The following USP34 variants were observed in gnomAD, a reference collection of about 807,000 sequenced individuals.
USP34 encodes ubiquitin specific peptidase 34.
A neutral mutation model predicts 460.3 loss-of-function variants in USP34; 70 were observed. That is an observed-to-expected ratio of 0.15 (90% confidence interval 0.13 to 0.19). The LOEUF is 0.19. Among genes scored for constraint, USP34 ranks in the 10% least tolerant of loss-of-function variants. USP34 has a pLI of 1.00. For synonymous variants in USP34, 1,647 were observed against 1,405.3 expected, an observed-to-expected ratio of 1.17 and a Z score of -3.85; for missense variants, 3,985 against 4,236.2, an observed-to-expected ratio of 0.94 and a Z score of 1.65.
At chr2:61,262,396 T>A (rs1465972649) in intron 43 of USP34, among the ~76,000 whole-genome samples, 1 of 152,132 alleles carries the variant, frequency 6.6e-6, no homozygotes, top group African/African-American at 2.4e-5. Context: ...CCATATGTAC[T>A]CAATATTTAG....
At chr2:61,239,185 AT>A (rs1688163757) in intron 53 of USP34, among the ~76,000 whole-genome samples, 1 of 151,926 alleles carries the variant, frequency 6.6e-6, no homozygotes, top group South Asian at 2.1e-4. Flanking sequence ...AATTAGGCCA[AT>A]TAACAACCCT....
chr2:61,191,025 A>G (rs1686625147), intron 76 of USP34: 1 of 169,692 alleles, frequency 5.9e-6, no homozygotes, highest in Non-Finnish European at 1.3e-5. Context: ...AAATTAATGT[A>G]TTTATAGGTA....
At chr2:61,296,226 C>T (rs1266740188) in intron 30 of USP34, among the ~76,000 whole-genome samples, 1 of 151,942 alleles carries the variant, frequency 6.6e-6, no homozygotes, top group Non-Finnish European at 1.5e-5. Context: ...CACCACTGTA[C>T]TCCAGCCTGG....
At chr2:61,461,931 T>G (rs1484759715) in intron 1 of USP34, among the ~76,000 whole-genome samples, 1 of 152,132 alleles carries the variant, frequency 6.6e-6, no homozygotes, top group Non-Finnish European at 1.5e-5. Context: ...TTATATAAAA[T>G]GAAATCTTAT....
intron 3 of USP34, among the ~76,000 whole-genome samples, chr2:61,405,020 G>A (rs1415985928): frequency 6.6e-6 from 1 of 151,968 alleles, no homozygotes; most frequent in East Asian, 1.9e-4. Context: ...GAGGTCAGGA[G>A]ATCGAGACCA....
intron 3 of USP34, among the ~76,000 whole-genome samples, chr2:61,404,598 C>T (rs1183752275): frequency 6.6e-6 from 1 of 152,070 alleles, no homozygotes; most frequent in Non-Finnish European, 1.5e-5. Flanking sequence ...GGAAAATAAG[C>T]CATGTGGAGA....
intron 44 of USP34, among the ~76,000 whole-genome samples, chr2:61,259,451 G>A (rs1377279047): frequency 6.6e-6 from 1 of 151,530 alleles, no homozygotes; most frequent in Non-Finnish European, 1.5e-5. Context: ...GCAGTAGTGA[G>A]ATCTCAGCTT....
intron 75 of USP34, among the ~76,000 whole-genome samples, chr2:61,199,586 A>C (rs1421045755): frequency 2.6e-5 from 4 of 152,184 alleles, no homozygotes; most frequent in African/African-American, 9.7e-5. Flanking sequence ...TCCTGGTATT[A>C]ATTTTGGTCT....
intron 18 of USP34, among the ~76,000 whole-genome samples, chr2:61,337,313 C>G (rs1691452106): frequency 6.6e-6 from 1 of 152,008 alleles, no homozygotes; most frequent in Non-Finnish European, 1.5e-5. Context: ...GAAATTCAAC[C>G]AAGTTGTTCC....
chr2:61,332,066 TA>T (rs1691283735), intron 19 of USP34, among the ~76,000 whole-genome samples: 1 of 152,016 alleles, frequency 6.6e-6, no homozygotes, highest in South Asian at 2.1e-4. Context: ...ATTCACTAAA[TA>T]AAGGTCAAGT....
intron 41 of USP34, among the ~76,000 whole-genome samples, chr2:61,267,443 ATT>A (rs1247110202): frequency 1.7e-4 from 24 of 142,630 alleles, no homozygotes; most frequent in Admixed American, 2.8e-4. Context: ...TGGTTAGGAG[ATT>A]TTTTTTTTTT....
At chr2:61,363,618 A>G (rs1692336321) in intron 10 of USP34, among the ~76,000 whole-genome samples, 1 of 152,228 alleles carries the variant, frequency 6.6e-6, no homozygotes, top group African/African-American at 2.4e-5. Context: ...TACAAATTAT[A>G]ATAAGCTCCA....
intron 8 of USP34, among the ~76,000 whole-genome samples, chr2:61,374,580 C>G (rs1692734377): frequency 6.6e-6 from 1 of 151,894 alleles, no homozygotes; most frequent in African/African-American, 2.4e-5. Context: ...CAAATCTGCA[C>G]ACACTCAGGA....
intron 10 of USP34, among the ~76,000 whole-genome samples, chr2:61,361,175 C>A (rs1450905250): frequency 6.6e-6 from 1 of 152,124 alleles, no homozygotes; most frequent in East Asian, 1.9e-4. Context: ...ATCTGGGAGG[C>A]TGAGGAAGGA....
chr2:61,337,451 GTTAT>G (rs756749524), intron 18 of USP34, among the ~76,000 whole-genome samples: 1 of 151,018 alleles, frequency 6.6e-6, no homozygotes, highest in African/African-American at 2.4e-5. Context: ...GTTATGTTAT[GTTAT>G]TTATTTATTT....
Position 61,187,593 on chromosome 2 carries a change from TAAAG to T in USP34, c.*505_*508del. 1.1e-6 allele frequency: 1 copy of T among 901,188 alleles called. No homozygotes were observed. The highest frequency in any genetic ancestry group is 1.3e-6 in the Non-Finnish European group (1 of 752,724). 55.8% of individuals were successfully genotyped at this position (901,188 alleles called of 1,614,324 possible). A position where few individuals can be genotyped will look rare whatever the true frequency, so the allele number is the denominator to read the frequency against. ...TTTCCTCCACAGGTATTCTGTTAAA[TAAAG>T]CACCATTTATATACTGCCAGGCCAC... On this transcript the variant is annotated 3_prime_UTR_variant, in exon 80 of 80. Coordinates refer to ENST00000398571, the MANE Select transcript of USP34 (RefSeq NM_014709.4).
chr2:61,375,768 C>CAAAAAAAAAAAAAAAAAAAAAAAA (rs56304309), intron 8 of USP34, among the ~76,000 whole-genome samples: 4 of 80,870 alleles, frequency 4.9e-5, no homozygotes, highest in East Asian at 4.1e-4. Flanking sequence ...GACTCTGTCT[C>CAAAAAAAAAAAAAAAAAAAAAAAA]AAAAAAAAAA....
At chr2:61,204,187 C>T in intron 74 of USP34, 69 bp downstream of exon 74, 1 of 1,600,490 alleles carries the variant, frequency 6.2e-7, no homozygotes, top group Non-Finnish European at 8.5e-7. Flanking sequence ...CTATTCATAA[C>T]TGCCAGGGGA....
chr2:61,454,895 T>C (rs1695391381), intron 1 of USP34, among the ~76,000 whole-genome samples: 1 of 147,352 alleles, frequency 6.8e-6, no homozygotes. Flanking sequence ...TGGTTGTTTA[T>C]TTGAGATGAG....
Sources: allele counts gnomAD v4.1 joint callset (sites outside exome capture counted in the v4.1 genomes callset), GRCh38; gene constraint gnomAD v4.1.1; transcripts MANE v1.5; gene names NCBI Gene and HGNC (gene_info 2026-07-23, HGNC 2026-07-21).